FAM227B: variants seen among roughly 807,000 people sequenced by gnomAD.
FAM227B encodes the protein family with sequence similarity 227 member B, also known as protein FAM227B.
FAM227B carries 88 observed loss-of-function variants against 73.8 expected under a neutral mutation model. The ratio of observed to expected loss-of-function variants is 1.19; its 90% CI spans 1.00 to 1.42. The LOEUF (loss-of-function observed/expected upper bound fraction) is 1.42. FAM227B is among the 40% of genes most tolerant of loss of function. FAM227B has a pLI of 0.00. For synonymous variants in FAM227B, 210 were observed against 190.5 expected (o/e 1.10, Z -0.84); for missense variants, 632 against 590.9 (o/e 1.07, Z -0.72).
intron 11 of FAM227B, among the ~76,000 whole-genome samples, chr15:49,501,453 AC>A (rs1342435667): frequency 6.6e-6 from 1 of 152,194 alleles, no homozygotes; most frequent in African/African-American, 2.4e-5. Flanking sequence ...GAAAGCTTGA[AC>A]TTCAGAGTGA....
intron 3 of FAM227B, among the ~76,000 whole-genome samples, chr15:49,593,256 G>A (rs1224316046): frequency 4.6e-5 from 7 of 152,006 alleles, no homozygotes; most frequent in South Asian, 4.2e-4. Context: ...GAAATCACCC[G>A]TCTTCTGCAC....
chr15:49,524,521 T>G (rs1400991776), intron 10 of FAM227B, among the ~76,000 whole-genome samples: 1 of 152,206 alleles, frequency 6.6e-6, no homozygotes. Flanking sequence ...GCTAGGGCAG[T>G]GCAGAAGGAA....
At chr15:49,369,209 G>A (rs2045622600) in intron 12 of FAM227B, among the ~76,000 whole-genome samples, 4 of 152,064 alleles carry the variant, frequency 2.6e-5, no homozygotes, top group Admixed American at 2.0e-4. Context: ...CGCCCACCTC[G>A]GCCTCCCAAA....
At chr15:49,381,533 ATTT>A (rs759934607) in intron 11 of FAM227B, among the ~76,000 whole-genome samples, 2 of 152,134 alleles carry the variant, frequency 1.3e-5, no homozygotes, top group South Asian at 2.1e-4. Context: ...TGTAAAAATT[ATTT>A]TTTGTTATGT....
intron 10 of FAM227B, among the ~76,000 whole-genome samples, chr15:49,539,763 C>T (rs1441877512): frequency 6.6e-6 from 1 of 152,158 alleles, no homozygotes; most frequent in Non-Finnish European, 1.5e-5. Flanking sequence ...GCAGATGCTG[C>T]AGCAGTGGCT....
At chr15:49,442,812 G>A (rs866699941) in intron 11 of FAM227B, among the ~76,000 whole-genome samples, 8 of 151,712 alleles carry the variant, frequency 5.3e-5, no homozygotes, top group Middle Eastern at 3.4e-3. Flanking sequence ...TTTTAATTCC[G>A]TTTGTGCTTC....
In FAM227B at chr15:49,593,806, G is replaced by A. The variant is rs183091694; in HGVS notation, c.106-3799C>T. Reference sequence around the variant, plus strand: ...GGCTGAGTAGTATTCTATGGTATATGTACACCACATTTTATCAACTTGTTG... The same window carrying A: ...GGCTGAGTAGTATTCTATGGTATATATACACCACATTTTATCAACTTGTTG... On this transcript the variant is annotated intron_variant, in intron 3 of 15. Coordinates refer to ENST00000299338, the MANE Select transcript of FAM227B (RefSeq NM_152647.3). Among the ~76,000 whole-genome samples, 270 of 152,262 alleles carry A rather than the reference G, an allele frequency of 1.8e-3. 2 individuals are homozygous for A. Among genetic ancestry groups the A allele is most frequent in the African/African-American group, 6.1e-3 (252 of 41,534 alleles).
At chr15:49,462,090 G>T (rs1256637079) in intron 11 of FAM227B, among the ~76,000 whole-genome samples, 1 of 152,062 alleles carries the variant, frequency 6.6e-6, no homozygotes, top group Non-Finnish European at 1.5e-5. Flanking sequence ...CTGTACTCCA[G>T]CCTGGGTGAC....
chr15:49,567,850 G>A (rs1598290072), intron 9 of FAM227B, among the ~76,000 whole-genome samples: 1 of 152,028 alleles, frequency 6.6e-6, no homozygotes, highest in South Asian at 2.1e-4. Flanking sequence ...ACTGTAACAG[G>A]TGCTTAGTCC....
chr15:49,498,784 A>T (rs1217400081), intron 11 of FAM227B, among the ~76,000 whole-genome samples: 8 of 152,242 alleles, frequency 5.3e-5, no homozygotes, highest in Non-Finnish European at 1.0e-4. Flanking sequence ...AGGATCTGTC[A>T]GCCAAATGGA....
Position 49,590,011 on chromosome 15 carries a change from C to A in FAM227B, c.106-4G>T, listed in dbSNP as rs749259576. The A allele has an allele frequency of 2.1e-6, 3 of 1,453,878 alleles. No homozygotes were observed. Among genetic ancestry groups the A allele is most frequent in the East Asian group, 4.5e-5 (2 of 43,986 alleles). The allele number at this position is 1,453,878 out of a possible 1,614,324, so 90.1% of individuals were successfully genotyped here. A position where few individuals can be genotyped will look rare whatever the true frequency, so the allele number is the denominator to read the frequency against. On this transcript the variant is annotated splice_polypyrimidine_tract_variant and splice_region_variant and intron_variant, in intron 3 of 15. Transcript: ENST00000299338. ...GGATTTCCCTTGGCCAATAATCCTGCAAAAAACGTGAAAGAGAGAATATAG... is the reference window on the plus strand; with the variant it reads ...GGATTTCCCTTGGCCAATAATCCTGAAAAAAACGTGAAAGAGAGAATATAG...
intron 11 of FAM227B, among the ~76,000 whole-genome samples, chr15:49,476,684 A>G (rs911589329): frequency 6.6e-6 from 1 of 152,198 alleles, no homozygotes; most frequent in Non-Finnish European, 1.5e-5. Context: ...TCTACACTCA[A>G]TGATATTATA....
At chr15:49,612,568 A>G (rs1275374946) in intron 2 of FAM227B, among the ~76,000 whole-genome samples, 1 of 152,216 alleles carries the variant, frequency 6.6e-6, no homozygotes, top group East Asian at 1.9e-4. Flanking sequence ...GAGTAGATGA[A>G]TGTCAGAAAT....
intron 11 of FAM227B, chr15:49,485,287 T>G (rs1467601340): frequency 6.6e-6 from 1 of 152,374 alleles, no homozygotes; most frequent in African/African-American, 2.4e-5. Context: ...AAAGTAAAAT[T>G]GAGAAATCTT....
chr15:49,452,581 A>T (rs2151892087), intron 11 of FAM227B, among the ~76,000 whole-genome samples: 1 of 152,326 alleles, frequency 6.6e-6, no homozygotes, highest in Middle Eastern at 3.4e-3. Context: ...TATTTAACTT[A>T]AGCAACTAAA....
intron 11 of FAM227B, among the ~76,000 whole-genome samples, chr15:49,504,587 C>T (rs969731406): frequency 1.3e-5 from 2 of 152,046 alleles, no homozygotes; most frequent in African/African-American, 4.8e-5. Flanking sequence ...AAAGGTCATT[C>T]ATGTGCATGT....
chr15:49,511,663 G>A (rs2059010085), intron 10 of FAM227B, among the ~76,000 whole-genome samples: 1 of 152,068 alleles, frequency 6.6e-6, no homozygotes, highest in Non-Finnish European at 1.5e-5. Context: ...ATATGTCCTT[G>A]TGTTCTTATC....
At chr15:49,389,486 G>A (rs968835465) in intron 11 of FAM227B, among the ~76,000 whole-genome samples, 7 of 151,820 alleles carry the variant, frequency 4.6e-5, no homozygotes, top group African/African-American at 1.5e-4. Flanking sequence ...ACTCAGAGCC[G>A]GGAGGGTGAG....
chr15:49,589,284 T>C (rs1461437923), intron 4 of FAM227B, among the ~76,000 whole-genome samples: 2 of 152,100 alleles, frequency 1.3e-5, no homozygotes, highest in Admixed American at 1.3e-4. Context: ...CCCTTACTGA[T>C]ATGTTTGTTT....
Sources: gnomAD v4.1 joint callset for allele counts (sites outside exome capture counted in the v4.1 genomes callset) on GRCh38, gnomAD v4.1.1 for gene constraint, MANE v1.5 for transcripts, NCBI Gene and HGNC (gene_info 2026-07-23, HGNC 2026-07-21) for gene names.